Variants in STN1 observed in about 807,000 individuals in gnomAD.
The protein encoded by STN1 is STN1 subunit of CST complex, also known as CST complex subunit STN1.
A neutral mutation model predicts 45.5 loss-of-function variants in STN1; 29 were observed. The ratio of observed to expected loss-of-function variants is 0.64; its 90% CI spans 0.47 to 0.87. The LOEUF is 0.87. STN1 is among the 40% of genes least tolerant of loss of function. The pLI is 0.00. For missense variants in STN1, 376 were observed against 441.4 expected (o/e 0.85, Z 1.33); for synonymous variants, 148 against 159.0 (o/e 0.93, Z 0.52).
In STN1 at chr10:103,880,317, C is replaced by T. The variant is rs114607667; in HGVS notation, c.*2367G>A. Among the ~76,000 whole-genome samples the T allele has an allele frequency of 9.5e-3, 1,440 of 152,204 alleles. 30 individuals are homozygous for T. Among genetic ancestry groups the T allele is most frequent in the African/African-American group, 0.032 (1,326 of 41,516 alleles). Reference sequence around the variant, plus strand: ...AGGTATTACTGGAAAAGGCAACATTCGATTGGTTAAGGCGTTATTCAGAAA... The same window carrying T: ...AGGTATTACTGGAAAAGGCAACATTTGATTGGTTAAGGCGTTATTCAGAAA... On this transcript the variant is annotated 3_prime_UTR_variant, in exon 10 of 10. Coordinates refer to ENST00000224950, the MANE Select transcript of STN1 (RefSeq NM_024928.5).
intron 2 of STN1, among the ~76,000 whole-genome samples, chr10:103,911,878 T>G (rs1041406782): frequency 1.3e-5 from 2 of 152,042 alleles, no homozygotes; most frequent in African/African-American, 4.8e-5. Flanking sequence ...ACAAAGGGAC[T>G]GAGAAAGAGT....
At chr10:103,917,028 G>A (rs866712961) in intron 2 of STN1, among the ~76,000 whole-genome samples, 9 of 151,960 alleles carry the variant, frequency 5.9e-5, no homozygotes, top group African/African-American at 1.9e-4. Flanking sequence ...CCATTACACA[G>A]GGTTAAGCTC....
chr10:103,899,966 T>C, intron 5 of STN1, 96 bp downstream of exon 5: 1 of 1,132,674 alleles, frequency 8.8e-7, no homozygotes, highest in Admixed American at 2.0e-5. Flanking sequence ...ATACCTTAAC[T>C]GAACTTTTTG....
At chr10:103,910,944 C>T (rs77987791) in intron 2 of STN1, among the ~76,000 whole-genome samples, 2,243 of 151,332 alleles carry the variant, frequency 0.015, 54 homozygotes, top group African/African-American at 0.05. Flanking sequence ...TACTGGGGGA[C>T]CAAACACAGG....
At chr10:103,891,355 G>T (rs1418689268) in intron 8 of STN1, among the ~76,000 whole-genome samples, 2 of 152,202 alleles carry the variant, frequency 1.3e-5, no homozygotes, top group African/African-American at 4.8e-5. Flanking sequence ...TGCCTGTCAT[G>T]TGTTATCTTG....
At position 103,881,541 on chromosome 10, in the gene STN1, G is replaced by A. The variant is rs535164173; in HGVS notation, c.*1143C>T. ...TACTGGTTCTAGCTCTCAGCCTGAC[G>A]TATCGAGCTGCAGCGGACTTCTGCG... On this transcript the variant is annotated 3_prime_UTR_variant, in exon 10 of 10. Coordinates refer to ENST00000224950, the MANE Select transcript of STN1 (RefSeq NM_024928.5). 2.5e-4 allele frequency among the ~76,000 whole-genome samples: 38 copies of A among 152,322 alleles called. No homozygotes were observed. Among genetic ancestry groups the A allele is most frequent in the African/African-American group, 8.2e-4 (34 of 41,586 alleles).
chr10:103,895,790 A>G (rs1843167353), intron 7 of STN1, among the ~76,000 whole-genome samples: 1 of 152,220 alleles, frequency 6.6e-6, no homozygotes, highest in African/African-American at 2.4e-5. Context: ...AAGGGTGTTC[A>G]CAGCAGCCTT....
chr10:103,883,708 CCAAT>C (rs1243481184), intron 9 of STN1, among the ~76,000 whole-genome samples: 5 of 118,630 alleles, frequency 4.2e-5, no homozygotes, highest in African/African-American at 1.4e-4. Flanking sequence ...TAGCCAGTCA[CCAAT>C]CAATGTTATC....
chr10:103,892,756 G>C (rs2134361483), intron 7 of STN1, among the ~76,000 whole-genome samples: 1 of 152,262 alleles, frequency 6.6e-6, no homozygotes, highest in Non-Finnish European at 1.5e-5. Flanking sequence ...GATCCACCAA[G>C]GGGAGTCCAC....
chr10:103,883,135 C>T (rs1843081797), intron 9 of STN1, among the ~76,000 whole-genome samples: 1 of 152,172 alleles, frequency 6.6e-6, no homozygotes, highest in Non-Finnish European at 1.5e-5. Flanking sequence ...ATTTTTAGTG[C>T]TTGATAAACT....
At chr10:103,902,418 T>C (rs774947311) in intron 4 of STN1, among the ~76,000 whole-genome samples, 2 of 152,198 alleles carry the variant, frequency 1.3e-5, no homozygotes, top group Non-Finnish European at 2.9e-5. Context: ...AGACTGATGG[T>C]TGGTCTGAGA....
rs1486778632 is a variant in STN1, at chr10:103,882,418, GCA to G, written c.*264_*265del. The G allele has an allele frequency of 9.0e-5, 34 of 378,324 alleles. No individual in the cohort carries two copies. The Admixed American group carries it at 1.1e-3, about 12-fold the overall frequency. The allele number at this position is 378,324 out of a possible 1,614,324, so 23.4% of individuals were successfully genotyped here. A position where few individuals can be genotyped will look rare whatever the true frequency, so the allele number is the denominator to read the frequency against. ...CTCCCCATTCTGCTCTGCGAACAAC[GCA>G]CAGTCCAGCCAGGAGCTCAACAGGG... On this transcript the variant is annotated 3_prime_UTR_variant, in exon 10 of 10. Coordinates refer to ENST00000224950, the MANE Select transcript of STN1 (RefSeq NM_024928.5).
chr10:103,908,434 C>A (rs757969476), intron 3 of STN1, among the ~76,000 whole-genome samples: 1 of 151,960 alleles, frequency 6.6e-6, no homozygotes, highest in Admixed American at 6.6e-5. Context: ...GTTTCAGCTG[C>A]GGGATGAGTC....
intron 4 of STN1, among the ~76,000 whole-genome samples, chr10:103,901,319 T>C (rs1036739393): frequency 6.6e-6 from 1 of 152,244 alleles, no homozygotes; most frequent in Non-Finnish European, 1.5e-5. Context: ...ACTCCTGGCC[T>C]CAAGCAATCC....
At position 103,878,916 on chromosome 10, in the gene STN1, G is replaced by A. The variant is rs1843048478; in HGVS notation, c.*3768C>T. 6.6e-6 allele frequency: 1 copy of A among 152,598 alleles called. No individual in the cohort carries two copies. Among genetic ancestry groups the A allele is most frequent in the Non-Finnish European group, 1.5e-5 (1 of 68,220 alleles). 9.5% of individuals were successfully genotyped at this position (152,598 alleles called of 1,614,324 possible). A position where few individuals can be genotyped will look rare whatever the true frequency, so the allele number is the denominator to read the frequency against. On this transcript the variant is annotated 3_prime_UTR_variant, in exon 10 of 10. Coordinates refer to ENST00000224950, the MANE Select transcript of STN1 (RefSeq NM_024928.5). ...GGTGAGGCTGGTGGTTATCAGGTTA[G>A]CTGCTCCTGTGGGTGGCTGGGTGGT...
chr10:103,896,017 T>TA (rs540041101), intron 7 of STN1, among the ~76,000 whole-genome samples: 30 of 152,284 alleles, frequency 2.0e-4, no homozygotes, highest in Admixed American at 5.9e-4. Context: ...TACAGTGACT[T>TA]AGAGTACACA....
intron 2 of STN1, among the ~76,000 whole-genome samples, chr10:103,916,103 T>C (rs896828236): frequency 2.0e-5 from 3 of 152,240 alleles, no homozygotes; most frequent in African/African-American, 7.2e-5. Flanking sequence ...GTATCCAATC[T>C]GTCAGCTGAT....
At chr10:103,914,101 T>C (rs1278251864) in intron 2 of STN1, among the ~76,000 whole-genome samples, 2 of 152,162 alleles carry the variant, frequency 1.3e-5, no homozygotes, top group Non-Finnish European at 2.9e-5. Flanking sequence ...ATGTTATTTA[T>C]GTTTGACAGC....
At chr10:103,905,398 A>C (rs1843234270) in intron 3 of STN1, among the ~76,000 whole-genome samples, 1 of 152,222 alleles carries the variant, frequency 6.6e-6, no homozygotes. Flanking sequence ...CATTTCACTT[A>C]TCCTACCTCA....
Sources: allele counts gnomAD v4.1 joint callset (sites outside exome capture counted in the v4.1 genomes callset), GRCh38; gene constraint gnomAD v4.1.1; transcripts MANE v1.5; gene names NCBI Gene and HGNC (gene_info 2026-07-23, HGNC 2026-07-21).